Variants in AGAP1 observed in about 807,000 individuals in gnomAD.
AGAP1 encodes the protein arf-GAP with GTPase, ANK repeat and PH domain-containing protein 1.
A neutral mutation model predicts 105.3 loss-of-function variants in AGAP1; 29 were observed. The observed-to-expected ratio is 0.28, with a 90% confidence interval of 0.21 to 0.38. AGAP1 has a LOEUF of 0.38. Ranked by LOEUF, AGAP1 falls within the 10% of genes least tolerant of loss-of-function variation. The pLI, the probability that AGAP1 is intolerant of heterozygous loss-of-function variation, is 1.00. For missense variants in AGAP1, 998 were observed against 1,165.1 expected (o/e 0.86, Z 2.09); for synonymous variants, 509 against 485.9 (o/e 1.05, Z -0.63).
At chr2:235,880,848 CTTGT>C (rs2049985817) in intron 9 of AGAP1, among the ~76,000 whole-genome samples, 1 of 152,148 alleles carries the variant, frequency 6.6e-6, no homozygotes. Context: ...GAAGCAATTG[CTTGT>C]TTATTACCGC....
intron 1 of AGAP1, among the ~76,000 whole-genome samples, chr2:235,568,076 C>A (rs143138192): frequency 6.6e-6 from 1 of 152,096 alleles, no homozygotes. Context: ...GGCTCTGACT[C>A]AGTGGGGATT....
At chr2:236,072,969 A>T (rs774515427) in intron 16 of AGAP1, among the ~76,000 whole-genome samples, 1 of 152,094 alleles carries the variant, frequency 6.6e-6, no homozygotes, top group Non-Finnish European at 1.5e-5. Context: ...ATAGCAAGCA[A>T]TGTAAAAAAG....
chr2:235,735,813 C>T (rs1438431725), intron 3 of AGAP1, among the ~76,000 whole-genome samples: 4 of 152,252 alleles, frequency 2.6e-5, no homozygotes, highest in East Asian at 1.9e-4. Context: ...GAACCCTGAA[C>T]ACTTGCCTTG....
intron 1 of AGAP1, among the ~76,000 whole-genome samples, chr2:235,675,465 G>A (rs999576126): frequency 2.6e-5 from 4 of 152,156 alleles, no homozygotes; most frequent in Admixed American, 6.5e-5. Context: ...AAGCCTGAGC[G>A]ACCGCGCCTG....
chr2:235,514,360 A>T (rs1942289878), intron 1 of AGAP1, among the ~76,000 whole-genome samples: 1 of 152,252 alleles, frequency 6.6e-6, no homozygotes. Context: ...AAGCCTTTTT[A>T]GAAGGAGTCA....
chr2:235,676,932 A>C (rs963375064), intron 1 of AGAP1, among the ~76,000 whole-genome samples: 3 of 152,220 alleles, frequency 2.0e-5, no homozygotes, highest in African/African-American at 7.2e-5. Flanking sequence ...CGGATTAGCA[A>C]AAAGGGAGGA....
chr2:235,589,175 G>A (rs984487207), intron 1 of AGAP1, among the ~76,000 whole-genome samples: 4 of 129,608 alleles, frequency 3.1e-5, no homozygotes, highest in South Asian at 2.8e-4. Flanking sequence ...AGAACTACCA[G>A]TTAATAGCTT....
chr2:235,796,833 A>G (rs187960902), intron 6 of AGAP1, among the ~76,000 whole-genome samples: 2 of 152,354 alleles, frequency 1.3e-5, no homozygotes, highest in African/African-American at 4.8e-5. Flanking sequence ...TAGTCCCCAA[A>G]GACACACATC....
intron 1 of AGAP1, among the ~76,000 whole-genome samples, chr2:235,650,678 A>G (rs1040440548): frequency 6.6e-6 from 1 of 152,262 alleles, no homozygotes; most frequent in African/African-American, 2.4e-5. Flanking sequence ...AATAGGGCAC[A>G]GAAAACTCAA....
At chr2:235,592,640 G>A (rs1365431926) in intron 1 of AGAP1, among the ~76,000 whole-genome samples, 2 of 152,148 alleles carry the variant, frequency 1.3e-5, no homozygotes, top group African/African-American at 4.8e-5. Context: ...AACAGGAGTA[G>A]CTATATCAGA....
Position 236,048,793 on chromosome 2 carries a change from C to T in AGAP1, c.1892-266C>T, listed in dbSNP as rs556070233. Among the ~76,000 whole-genome samples, 4 of 152,338 alleles carry T rather than the reference C, an allele frequency of 2.6e-5. No homozygotes were observed. The South Asian group carries it at 8.3e-4, about 32-fold the overall frequency. ...ATATGGGAAAGTGCATCTTTTCTATCCAAACCAACGCTGTCAATTATTTAT... is the reference window on the plus strand; with the variant it reads ...ATATGGGAAAGTGCATCTTTTCTATTCAAACCAACGCTGTCAATTATTTAT... On this transcript the variant is annotated intron_variant, in intron 15 of 17. Coordinates refer to ENST00000304032, the MANE Select transcript of AGAP1 (RefSeq NM_001037131.3).
intron 6 of AGAP1, among the ~76,000 whole-genome samples, chr2:235,760,636 A>G (rs899975398): frequency 3.3e-5 from 5 of 152,230 alleles, no homozygotes; most frequent in Non-Finnish European, 7.3e-5. Flanking sequence ...CACAGGCTGG[A>G]GTACAGTGAT....
Position 235,754,306 on chromosome 2 carries a change from T to G in AGAP1, c.673+3818T>G, listed in dbSNP as rs1334576801. Among the ~76,000 whole-genome samples, 1 of 152,212 alleles carries G rather than the reference T, an allele frequency of 6.6e-6. No individual in the cohort carries two copies. The highest frequency in any genetic ancestry group is 1.9e-4 in the East Asian group (1 of 5,194). On this transcript the variant is annotated intron_variant, in intron 6 of 17. Coordinates refer to ENST00000304032, the MANE Select transcript of AGAP1 (RefSeq NM_001037131.3). The surrounding 1 kb of genome is among the most constrained non-coding windows in gnomAD (Gnocchi z 4.6). ...CAGTTTATTCACATTTCTTGATAACTCTCTGGCTTCTTTTTTGCCCTAGGG... is the reference window on the plus strand; with the variant it reads ...CAGTTTATTCACATTTCTTGATAACGCTCTGGCTTCTTTTTTGCCCTAGGG...
chr2:236,048,487 A>C (rs2057791673), intron 15 of AGAP1, among the ~76,000 whole-genome samples: 1 of 152,244 alleles, frequency 6.6e-6, no homozygotes, highest in South Asian at 2.1e-4. Flanking sequence ...CAGTAGCTAT[A>C]GTTAAATAAG....
intron 5 of AGAP1, among the ~76,000 whole-genome samples, chr2:235,746,377 C>CTTTTTCTTTTTTTTTTTT (rs1553620164): frequency 6.1e-4 from 34 of 55,544 alleles, no homozygotes; most frequent in Non-Finnish European, 9.7e-4. Flanking sequence ...CCTCCCCCAA[C>CTTTTTCTTTTTTTTTTTT]TTTTTTTTTT....
At chr2:236,041,550 A>C (rs550819199) in intron 15 of AGAP1, among the ~76,000 whole-genome samples, 2 of 152,288 alleles carry the variant, frequency 1.3e-5, no homozygotes, top group East Asian at 3.9e-4. Context: ...TTTGTTGTTC[A>C]TAATCTTGAG....
intron 6 of AGAP1, chr2:235,783,205 A>G (rs1032974463): frequency 2.9e-6 from 1 of 342,692 alleles, no homozygotes; most frequent in South Asian, 2.4e-5. Context: ...TTAGTGAAAG[A>G]TACTTTCCTA....
intron 16 of AGAP1, among the ~76,000 whole-genome samples, chr2:236,108,172 A>G (rs1487710838): frequency 6.6e-6 from 1 of 152,208 alleles, no homozygotes; most frequent in African/African-American, 2.4e-5. Context: ...GGGAGAAGGC[A>G]TGCATGCAAG....
At position 235,622,365 on chromosome 2, in the gene AGAP1, C is replaced by G. The variant is rs1037947150; in HGVS notation, c.164-86814C>G. ...AGTGGTCTGTAGCATTCTCATCCTT[C>G]AGAGCTCCCTGAGCTTCTTCACGGC... On this transcript the variant is annotated intron_variant, in intron 1 of 17. Coordinates refer to ENST00000304032, the MANE Select transcript of AGAP1 (RefSeq NM_001037131.3). This position sits in a 1 kb window ranked among gnomAD's most constrained non-coding sequence, Gnocchi z 5.0. Among the ~76,000 whole-genome samples, 1 of 152,196 alleles carries G rather than the reference C, an allele frequency of 6.6e-6. No homozygotes were observed. Among genetic ancestry groups the G allele is most frequent in the African/African-American group, 2.4e-5 (1 of 41,450 alleles).
Sources: allele counts gnomAD v4.1 joint callset (sites outside exome capture counted in the v4.1 genomes callset), GRCh38; gene constraint gnomAD v4.1.1; non-coding constraint Gnocchi (gnomAD v3.1); transcripts MANE v1.5; gene names NCBI Gene and HGNC (gene_info 2026-07-23, HGNC 2026-07-21).